The following TIAM1 variants were observed in gnomAD, a reference collection of about 807,000 sequenced individuals.
TIAM1 encodes TIAM Rac1 associated GEF 1, also known as rho guanine nucleotide exchange factor TIAM1.
In TIAM1, 65 loss-of-function variants were observed where a neutral mutation model predicts 163.5. The ratio of observed to expected loss-of-function variants is 0.40; its 90% CI spans 0.33 to 0.49. The LOEUF (loss-of-function observed/expected upper bound fraction) is 0.49, where lower values mean the gene tolerates loss of function less well. TIAM1 is among the 20% of genes least tolerant of loss of function. TIAM1 has a pLI of 0.77. For synonymous variants in TIAM1, 833 were observed against 810.1 expected (o/e 1.03, Z -0.48); for missense variants, 1,789 against 2,044.7 (o/e 0.87, Z 2.41).
chr21:31,146,959 G>C lies in TIAM1; in HGVS notation c.3411C>G (p.Asp1137Glu). Reference sequence around the variant, plus strand: ...AGAAGGCACTGTAGAGCTTGAAGCGGTCAGCATAATACAGGAATGATCCCC... The same window carrying C: ...AGAAGGCACTGTAGAGCTTGAAGCGCTCAGCATAATACAGGAATGATCCCC... ...SLGGSFLYYADRFKLYSAFCA... is the reference protein window; with the variant it reads ...SLGGSFLYYAERFKLYSAFCA... Residue 1137 changes from aspartate to glutamate, a missense_variant, in exon 20 of 28, where the codon GAC (aspartate) becomes GAG (glutamate). Asp to Glu is a conservative substitution (Grantham distance 45, BLOSUM62 2). Transcript: ENST00000541036. 1.2e-6 allele frequency: 2 copies of C among 1,614,120 alleles called. No individual in the cohort carries two copies. Among genetic ancestry groups the C allele is most frequent in the Non-Finnish European group, 8.5e-7 (1 of 1,180,026 alleles).
intron 13 of TIAM1, among the ~76,000 whole-genome samples, chr21:31,192,741 C>T (rs1432944730): frequency 6.6e-6 from 1 of 152,208 alleles, no homozygotes; most frequent in Non-Finnish European, 1.5e-5. Flanking sequence ...CACTTCAGTG[C>T]TCCCTCGTAG....
rs1378934309 is a variant in TIAM1 at position 31,118,559 on chromosome 21, A to T, written c.*1809T>A. On this transcript the variant is annotated 3_prime_UTR_variant, in exon 28 of 28. Coordinates refer to ENST00000541036, the MANE Select transcript of TIAM1 (RefSeq NM_001353694.2). ...ATAGACACGTCATGACCTTATGTAC[A>T]AGAGACAATGGCACCCTCTCCAAGC... 2.1e-6 allele frequency: 1 copy of T among 471,674 alleles called. No individual in the cohort carries two copies. Among genetic ancestry groups the T allele is most frequent in the Non-Finnish European group, 4.4e-6 (1 of 227,198 alleles). 29.2% of individuals were successfully genotyped at this position (471,674 alleles called of 1,614,324 possible).
At chr21:31,470,004 T>C (rs2045682235) in intron 1 of TIAM1, among the ~76,000 whole-genome samples, 1 of 16,198 alleles carries the variant, frequency 6.2e-5, no homozygotes. Context: ...ACCTTGAATT[T>C]TTTTTTTTTT....
intron 2 of TIAM1, among the ~76,000 whole-genome samples, chr21:31,420,044 C>T (rs1405686980): frequency 6.6e-6 from 1 of 152,038 alleles, no homozygotes; most frequent in African/African-American, 2.4e-5. Flanking sequence ...AGCAAAACTC[C>T]GTCTCAAAAA....
In TIAM1 at chr21:31,155,839, G is replaced by A. The variant is rs73349724; in HGVS notation, c.2992-1413C>T. On this transcript the variant is annotated intron_variant, in intron 16 of 27. Transcript: ENST00000541036. ...TGAAGCTAGTGGCTGTCCTTCTCAC[G>A]CTTCTCTCTCTGCTTCTATTGTCTA... Among the ~76,000 whole-genome samples the A allele has an allele frequency of 9.7e-4, 148 of 152,224 alleles. 1 individual carries two copies. Among genetic ancestry groups the A allele is most frequent in the African/African-American group, 3.3e-3 (137 of 41,538 alleles).
chr21:31,374,347 T>C (rs1374331788), intron 2 of TIAM1, among the ~76,000 whole-genome samples: 3 of 152,180 alleles, frequency 2.0e-5, no homozygotes, highest in Admixed American at 1.3e-4. Flanking sequence ...TTCCTTCCTG[T>C]AGCTTTGACA....
chr21:31,441,843 G>A lies in TIAM1; in HGVS notation c.-369+22140C>T, dbSNP rs1336733772. On this transcript the variant is annotated intron_variant, in intron 2 of 28. Coordinates refer to the TIAM1 transcript ENST00000286827. ...GTGGGTGGATCACTTGAGCCCAGGA[G>A]TTCGAGACTAGCCTGGGCAGCATGG... Among the ~76,000 whole-genome samples the A allele has an allele frequency of 1.1e-4, 16 of 148,124 alleles. No individual in the cohort carries two copies. The East Asian group carries it at 2.0e-3, about 19-fold the overall frequency.
chr21:31,370,370 G>A (rs2076575744), intron 2 of TIAM1, among the ~76,000 whole-genome samples: 1 of 152,124 alleles, frequency 6.6e-6, no homozygotes, highest in South Asian at 2.1e-4. Context: ...ACAGAGGCTG[G>A]AACAATATGG....
intron 4 of TIAM1, among the ~76,000 whole-genome samples, chr21:31,263,613 A>G (rs1246440349): frequency 6.6e-6 from 1 of 152,134 alleles, no homozygotes; most frequent in Non-Finnish European, 1.5e-5. Flanking sequence ...TCAAATCCCC[A>G]TCAGCCATCG....
chr21:31,519,305 CAAAAAAAA>C (rs369132676), intron 1 of TIAM1, among the ~76,000 whole-genome samples: 6 of 53,130 alleles, frequency 1.1e-4, no homozygotes, highest in Admixed American at 2.9e-4. Flanking sequence ...AACTCTGTCT[CAAAAAAAA>C]AAAAAAAAAA....
rs550734738 is a variant in TIAM1 at position 31,329,129 on chromosome 21, G to A, written c.-189+10114C>T. Among the ~76,000 whole-genome samples, 286 of 152,126 alleles carry A rather than the reference G, an allele frequency of 1.9e-3. 1 individual carries two copies. Among genetic ancestry groups the A allele is most frequent in the Non-Finnish European group, 3.2e-3 (216 of 68,020 alleles). On this transcript the variant is annotated intron_variant, in intron 2 of 27. Transcript: ENST00000541036. ...CATCTATGGATTTTGGTGTCCTCAG[G>A]GCAGGGAGGGGATGTCCTGGAACGA...
chr21:31,169,651 G>A (rs2084409623), intron 15 of TIAM1, among the ~76,000 whole-genome samples: 1 of 152,068 alleles, frequency 6.6e-6, no homozygotes, highest in African/African-American at 2.4e-5. Context: ...ACTTTCAGGT[G>A]GGGAAAGAAA....
intron 2 of TIAM1, among the ~76,000 whole-genome samples, chr21:31,376,983 C>T (rs1026403355): frequency 2.6e-5 from 4 of 151,018 alleles, no homozygotes; most frequent in Non-Finnish European, 4.4e-5. Context: ...CTTAGCCTCA[C>T]GAGCAGCTGG....
intron 2 of TIAM1, among the ~76,000 whole-genome samples, chr21:31,438,701 C>A (rs1259051992): frequency 6.6e-6 from 1 of 152,148 alleles, no homozygotes; most frequent in African/African-American, 2.4e-5. Flanking sequence ...GTTAAGAAAC[C>A]CTCCAAAGGT....
intron 1 of TIAM1, among the ~76,000 whole-genome samples, chr21:31,487,861 T>C (rs922360700): frequency 5.9e-5 from 9 of 151,668 alleles, no homozygotes; most frequent in African/African-American, 2.2e-4. Flanking sequence ...CCGGCCTTTT[T>C]TTGTATTTTT....
intron 1 of TIAM1, among the ~76,000 whole-genome samples, chr21:31,475,775 C>G (rs2045917414): frequency 6.6e-6 from 1 of 152,242 alleles, no homozygotes; most frequent in African/African-American, 2.4e-5. Flanking sequence ...GCAGAGAAAA[C>G]AGCGAAACGA....
chr21:31,530,720 G>A (rs376408024), intron 1 of TIAM1, among the ~76,000 whole-genome samples: 57 of 152,044 alleles, frequency 3.7e-4, no homozygotes, highest in Non-Finnish European at 6.5e-4. Flanking sequence ...GCCGCACTTC[G>A]CATCCCCAGA....
chr21:31,300,007 C>G (rs912275703), intron 2 of TIAM1, among the ~76,000 whole-genome samples: 1 of 152,194 alleles, frequency 6.6e-6, no homozygotes, highest in Admixed American at 6.5e-5. Flanking sequence ...GCCCAAATCT[C>G]ATATTGAAAT....
intron 2 of TIAM1, chr21:31,452,818 A>C (rs2044918871): frequency 1.9e-6 from 1 of 532,010 alleles, no homozygotes. Flanking sequence ...CAGGAAGAGG[A>C]GCTTGAGGAT....
Sources: gnomAD v4.1 joint callset for allele counts (sites outside exome capture counted in the v4.1 genomes callset) on GRCh38, gnomAD v4.1.1 for gene constraint, MANE v1.5 for transcripts, NCBI Gene and HGNC (gene_info 2026-07-23, HGNC 2026-07-21) for gene names.